POU6F2: variants seen among roughly 807,000 people sequenced by gnomAD.
POU6F2 encodes POU class 6 homeobox 2, also known as POU domain, class 6, transcription factor 2.
POU6F2 carries 31 observed loss-of-function variants against 71.3 expected under a neutral mutation model. That is an observed-to-expected ratio of 0.43 (90% CI 0.33 to 0.59). The LOEUF is 0.59. Among genes scored for constraint, POU6F2 ranks in the 20% least tolerant of loss-of-function variants. The pLI is 0.04. For synonymous variants in POU6F2, 347 were observed against 355.7 expected (o/e 0.98, Z 0.27); for missense variants, 783 against 856.8 (o/e 0.91, Z 1.07).
chr7:39,278,004 G>A (rs1784483700), intron 4 of POU6F2, among the ~76,000 whole-genome samples: 2 of 151,378 alleles, frequency 1.3e-5, no homozygotes, highest in Non-Finnish European at 1.5e-5. Context: ...TTGCAGGGAG[G>A]CAGAGGTTGC....
chr7:39,146,892 C>T (rs1792636087), intron 2 of POU6F2, among the ~76,000 whole-genome samples: 1 of 151,866 alleles, frequency 6.6e-6, no homozygotes, highest in Admixed American at 6.6e-5. Flanking sequence ...TTAGTTCATA[C>T]CATTTAAGTA....
chr7:39,240,505 C>T (rs1783703516), intron 4 of POU6F2, among the ~76,000 whole-genome samples: 1 of 152,154 alleles, frequency 6.6e-6, no homozygotes, highest in South Asian at 2.1e-4. Flanking sequence ...TCTAACTGCC[C>T]CAATTTTGTA....
At chr7:39,155,874 C>T (rs1404218424) in intron 2 of POU6F2, among the ~76,000 whole-genome samples, 1 of 152,132 alleles carries the variant, frequency 6.6e-6, no homozygotes, top group Non-Finnish European at 1.5e-5. Flanking sequence ...ATATGGCAAA[C>T]ACTATTCAAT....
In POU6F2 at chr7:39,451,710, C is replaced by A; in HGVS notation, c.1489+9C>A. 1 of 1,572,076 alleles carries A rather than the reference C, an allele frequency of 6.4e-7. No homozygotes were observed. Among genetic ancestry groups the A allele is most frequent in the East Asian group, 2.4e-5 (1 of 42,490 alleles). ...GGGCCAGTTAGTCAGCAGTAAGTAT[C>A]CTTTCTGGCTCGGTTTAAATCGTGG... On this transcript the variant is annotated intron_variant, in intron 8 of 9. Transcript: ENST00000518318.
chr7:39,022,182 A>C (rs548444435), intron 1 of POU6F2, among the ~76,000 whole-genome samples: 1 of 151,250 alleles, frequency 6.6e-6, no homozygotes, highest in Non-Finnish European at 1.5e-5. Context: ...TACTTTCTGC[A>C]TTCTTCTCTC....
chr7:39,188,322 A>AT (rs200608031), intron 2 of POU6F2, among the ~76,000 whole-genome samples: 1,708 of 152,024 alleles, frequency 0.011, 19 homozygotes, highest in Non-Finnish European at 0.02. Flanking sequence ...TTTTTTTAAA[A>AT]TTTTTTTTGA....
At chr7:39,357,481 C>T (rs1413322346) in intron 5 of POU6F2, among the ~76,000 whole-genome samples, 1 of 152,096 alleles carries the variant, frequency 6.6e-6, no homozygotes, top group Admixed American at 6.5e-5. Context: ...CCGGTCTGAC[C>T]CCAAGGGATC....
At chr7:39,006,203 C>T (rs1424093255) in intron 1 of POU6F2, among the ~76,000 whole-genome samples, 3 of 152,132 alleles carry the variant, frequency 2.0e-5, no homozygotes, top group African/African-American at 7.2e-5. Context: ...GTGGCTCACA[C>T]CTGTAATCCC....
intron 5 of POU6F2, among the ~76,000 whole-genome samples, chr7:39,369,894 A>G (rs1786575559): frequency 2.0e-5 from 3 of 147,308 alleles, no homozygotes; most frequent in Admixed American, 1.4e-4. Flanking sequence ...GGGTCTCACT[A>G]TGTTGCCCAG....
At chr7:39,030,854 C>T (rs918617059) in intron 1 of POU6F2, among the ~76,000 whole-genome samples, 1 of 150,588 alleles carries the variant, frequency 6.6e-6, no homozygotes, top group Non-Finnish European at 1.5e-5. Flanking sequence ...TCCTCCTGCC[C>T]CCCCCAAAAA....
In POU6F2 at chr7:39,277,400, C is replaced by G. The variant is rs568617242; in HGVS notation, c.599-62242C>G. ...GGGAAGTTTTCCAGCCCTTGCCCCCCTCCCTCTCTACTTTCTTTTGGAGTC... is the reference window on the plus strand; with the variant it reads ...GGGAAGTTTTCCAGCCCTTGCCCCCGTCCCTCTCTACTTTCTTTTGGAGTC... On this transcript the variant is annotated intron_variant, in intron 4 of 9. Coordinates refer to ENST00000518318, the MANE Select transcript of POU6F2 (RefSeq NM_001370959.1). Among the ~76,000 whole-genome samples the G allele has an allele frequency of 1.6e-4, 25 of 152,256 alleles. No individual in the cohort carries two copies. In the South Asian group the frequency reaches 5.0e-3, roughly 30 times the overall value.
At chr7:39,449,843 AAGT>A (rs1488895694) in intron 7 of POU6F2, among the ~76,000 whole-genome samples, 5 of 152,164 alleles carry the variant, frequency 3.3e-5, no homozygotes, top group Non-Finnish European at 5.9e-5. Context: ...TGCCAAGCAA[AAGT>A]AGCCAGATAC....
intron 4 of POU6F2, among the ~76,000 whole-genome samples, chr7:39,312,395 A>G (rs1377789455): frequency 6.6e-6 from 1 of 152,182 alleles, no homozygotes; most frequent in East Asian, 1.9e-4. Context: ...TTTTCACAGA[A>G]ACATTCAGTG....
At chr7:39,027,474 A>G (rs1789837837) in intron 1 of POU6F2, among the ~76,000 whole-genome samples, 1 of 152,188 alleles carries the variant, frequency 6.6e-6, no homozygotes, top group Non-Finnish European at 1.5e-5. Context: ...GCACTGTGGT[A>G]TGTCCTCAGG....
intron 1 of POU6F2, among the ~76,000 whole-genome samples, chr7:39,022,971 G>A (rs1191523616): frequency 6.6e-6 from 1 of 152,060 alleles, no homozygotes; most frequent in African/African-American, 2.4e-5. Context: ...TAGTGTATGA[G>A]AGTCTACTTG....
chr7:39,369,769 G>T (rs543275914), intron 5 of POU6F2, among the ~76,000 whole-genome samples: 1 of 151,714 alleles, frequency 6.6e-6, no homozygotes, highest in African/African-American at 2.4e-5. Flanking sequence ...CTACAGCCTC[G>T]ACCTCCCAGG....
At chr7:39,424,184 G>C (rs1465192354) in intron 6 of POU6F2, among the ~76,000 whole-genome samples, 2 of 152,094 alleles carry the variant, frequency 1.3e-5, no homozygotes, top group African/African-American at 2.4e-5. Flanking sequence ...CTTTCCAAAG[G>C]CCTCACTTCA....
At chr7:39,119,713 T>C (rs539457244) in intron 2 of POU6F2, among the ~76,000 whole-genome samples, 1 of 152,352 alleles carries the variant, frequency 6.6e-6, no homozygotes, top group East Asian at 1.9e-4. Context: ...AAATGTGTTG[T>C]ATTACTTTTG....
intron 2 of POU6F2, among the ~76,000 whole-genome samples, chr7:39,187,568 C>T (rs1033636039): frequency 1.3e-5 from 2 of 152,190 alleles, no homozygotes; most frequent in African/African-American, 2.4e-5. Flanking sequence ...GGCCGGGGGA[C>T]AGCTACCAGC....
Sources: gnomAD v4.1 joint callset for allele counts (sites outside exome capture counted in the v4.1 genomes callset) on GRCh38, gnomAD v4.1.1 for gene constraint, MANE v1.5 for transcripts, NCBI Gene and HGNC (gene_info 2026-07-23, HGNC 2026-07-21) for gene names.